GLIS3: variants seen among roughly 807,000 people sequenced by gnomAD.
GLIS3 encodes the protein GLIS family zinc finger 3.
GLIS3 carries 53 observed loss-of-function variants against 78.6 expected under a neutral mutation model. The observed-to-expected ratio is 0.67, with a 90% CI of 0.54 to 0.85. The LOEUF is 0.85. Ranked by LOEUF, GLIS3 falls within the 40% of genes least tolerant of loss-of-function variation. The pLI is 0.00. For synonymous variants in GLIS3, 684 were observed against 509.9 expected (o/e 1.34, Z -4.60); for missense variants, 1,703 against 1,231.1 (o/e 1.38, Z -5.74).
chr9:4,025,818 G>A (rs549842170), intron 4 of GLIS3, among the ~76,000 whole-genome samples: 25 of 152,234 alleles, frequency 1.6e-4, no homozygotes, highest in African/African-American at 5.8e-4. Context: ...GAATTCAGGG[G>A]TAAGAAATAT....
At position 3,937,124 on chromosome 9, in the gene GLIS3, T is replaced by C; in HGVS notation, c.1776A>G (p.Thr592=). 6.2e-7 allele frequency: 1 copy of C among 1,614,146 alleles called. No individual in the cohort carries two copies. Among genetic ancestry groups the C allele is most frequent in the Non-Finnish European group, 8.5e-7 (1 of 1,180,026 alleles). The change falls in exon 5 of 11, where the codon ACA becomes ACG. Residue 592 remains threonine, a synonymous_variant. Coordinates refer to ENST00000381971, the MANE Select transcript of GLIS3 (RefSeq NM_001042413.2). ...GCTGGCACAAATACGGCTTCTCGCC[T>C]GTGTGGCTCCGCAAGTGGATCTTGA... ...ENLKIHLRSH[T]GEKPYLCQHP...
At chr9:4,293,437 C>T (rs1173593399) in intron 1 of GLIS3, among the ~76,000 whole-genome samples, 5 of 152,146 alleles carry the variant, frequency 3.3e-5, no homozygotes, top group Admixed American at 6.5e-5. Context: ...GACATCACTG[C>T]GGAAGTATGA....
the GLIS3 span, among the ~76,000 whole-genome samples, chr9:4,455,978 G>T: frequency 6.6e-6 from 1 of 152,078 alleles, no homozygotes; most frequent in African/African-American, 2.4e-5. Context: ...GCCGGGTGTG[G>T]TGTTGCACAC....
chr9:4,451,798 A>G, the GLIS3 span, among the ~76,000 whole-genome samples: 9 of 152,116 alleles, frequency 5.9e-5, no homozygotes, highest in Non-Finnish European at 1.3e-4. Context: ...TTTGAAACCA[A>G]TGAGAACAAA....
chr9:4,221,890 G>A (rs560340558), intron 2 of GLIS3, among the ~76,000 whole-genome samples: 17 of 152,320 alleles, frequency 1.1e-4, no homozygotes, highest in Non-Finnish European at 8.8e-5. Flanking sequence ...CCATCTGTAT[G>A]GCAAATCCAG....
the GLIS3 span, among the ~76,000 whole-genome samples, chr9:4,388,684 T>TA: frequency 1.0e-4 from 15 of 150,004 alleles, no homozygotes; most frequent in African/African-American, 2.2e-4. Flanking sequence ...TCAAAAACAA[T>TA]AAAAAAAATA....
chr9:4,370,980 A>C, the GLIS3 span, among the ~76,000 whole-genome samples: 1 of 152,234 alleles, frequency 6.6e-6, no homozygotes, highest in Non-Finnish European at 1.5e-5. Context: ...GCAAAGATTA[A>C]GCTACTGAAG....
intron 2 of GLIS3, among the ~76,000 whole-genome samples, chr9:4,245,140 C>G (rs1823684877): frequency 6.6e-6 from 1 of 152,114 alleles, no homozygotes. Context: ...TATGACGTCC[C>G]ACTTGAACCA....
At position 3,977,331 on chromosome 9, in the gene GLIS3, C is replaced by G. The variant is rs1818884355; in HGVS notation, c.1711-40142G>C. ...CTCTTGGCTCTATCAGCCTTGCCAT[C>G]TCTTTGTAGCAGAATAAACTCATAT... On this transcript the variant is annotated intron_variant, in intron 4 of 10. Transcript: ENST00000381971. The surrounding 1 kb of genome is among the most constrained non-coding windows in gnomAD (Gnocchi z 4.1). Among the ~76,000 whole-genome samples, 1 of 152,192 alleles carries G rather than the reference C, an allele frequency of 6.6e-6. No individual in the cohort carries two copies.
At chr9:4,328,612 A>G (rs956003234) in intron 2 of GLIS3, among the ~76,000 whole-genome samples, 2 of 152,232 alleles carry the variant, frequency 1.3e-5, no homozygotes, top group Admixed American at 1.3e-4. Flanking sequence ...AATCATGATT[A>G]TGTATGTTAA....
the GLIS3 span, among the ~76,000 whole-genome samples, chr9:4,355,747 CCT>C: frequency 1.3e-5 from 2 of 152,108 alleles, no homozygotes; most frequent in South Asian, 2.1e-4. Context: ...GCCTATACAC[CCT>C]GTTTCCAGCC....
chr9:4,354,165 G>A, the GLIS3 span, among the ~76,000 whole-genome samples: 1 of 152,208 alleles, frequency 6.6e-6, no homozygotes, highest in East Asian at 1.9e-4. Flanking sequence ...ATAGCCAAGA[G>A]GGCTTTTTAA....
chr9:4,168,702 C>T (rs1465116606), intron 2 of GLIS3, among the ~76,000 whole-genome samples: 1 of 152,110 alleles, frequency 6.6e-6, no homozygotes, highest in Non-Finnish European at 1.5e-5. Context: ...TTGTAACTGT[C>T]CTCCAAACCT....
At chr9:4,066,594 G>T (rs1056735276) in intron 4 of GLIS3, among the ~76,000 whole-genome samples, 2 of 152,158 alleles carry the variant, frequency 1.3e-5, no homozygotes, top group Non-Finnish European at 2.9e-5. Flanking sequence ...GAGCCTTACA[G>T]AACCCATCTG....
At chr9:4,316,480 T>C (rs1255637400) in intron 2 of GLIS3, among the ~76,000 whole-genome samples, 3 of 152,232 alleles carry the variant, frequency 2.0e-5, no homozygotes, top group Non-Finnish European at 4.4e-5. Flanking sequence ...TGTGATAACA[T>C]TGATGAGAAA....
chr9:3,884,826 C>T (rs1821964295), intron 7 of GLIS3, among the ~76,000 whole-genome samples: 3 of 152,054 alleles, frequency 2.0e-5, no homozygotes, highest in Admixed American at 2.0e-4. Flanking sequence ...GATCACATGA[C>T]CCAGAACACC....
At chr9:4,162,683 C>A (rs950230776) in intron 2 of GLIS3, among the ~76,000 whole-genome samples, 60 of 151,702 alleles carry the variant, frequency 4.0e-4, no homozygotes, top group African/African-American at 1.4e-3. Flanking sequence ...GGTGAAATCC[C>A]ATCTCTATTA....
At chr9:4,483,881 A>G in the GLIS3 span, among the ~76,000 whole-genome samples, 19 of 152,164 alleles carry the variant, frequency 1.2e-4, no homozygotes, top group Admixed American at 5.2e-4. Flanking sequence ...GATAATGATG[A>G]TAAGCCATCA....
intron 2 of GLIS3, among the ~76,000 whole-genome samples, chr9:4,211,807 T>G (rs929947170): frequency 1.3e-5 from 2 of 152,214 alleles, no homozygotes; most frequent in Non-Finnish European, 2.9e-5. Flanking sequence ...TAAAATGTAA[T>G]ATACTCATTC....
Sources: gnomAD v4.1 joint callset for allele counts (sites outside exome capture counted in the v4.1 genomes callset) on GRCh38, gnomAD v4.1.1 for gene constraint, Gnocchi (gnomAD v3.1) non-coding constraint, MANE v1.5 for transcripts, NCBI Gene and HGNC (gene_info 2026-07-23, HGNC 2026-07-21) for gene names.